UHRF2: variants seen among roughly 807,000 people sequenced by gnomAD.
The protein encoded by UHRF2 is E3 ubiquitin-protein ligase UHRF2.
In UHRF2, 23 loss-of-function variants were observed where a neutral mutation model predicts 96.8. That is an observed-to-expected ratio of 0.24 (90% CI 0.17 to 0.34). UHRF2 has a LOEUF of 0.34. Among genes scored for constraint, UHRF2 ranks in the 10% least tolerant of loss-of-function variants. The pLI is 1.00. For synonymous variants in UHRF2, 385 were observed against 332.6 expected, an observed-to-expected ratio of 1.16 and a Z score of -1.72; for missense variants, 685 against 981.5, an observed-to-expected ratio of 0.70 and a Z score of 4.04.
chr9:6,506,313 C>A lies in UHRF2; in HGVS notation c.*134C>A, dbSNP rs1029244955. Reference sequence around the variant, plus strand: ...GCAGCTAATCCTCTTTCCCACATAGCCATCATCTTGTGTGTGTAGTAAGAG... The same window carrying A: ...GCAGCTAATCCTCTTTCCCACATAGACATCATCTTGTGTGTGTAGTAAGAG... On this transcript the variant is annotated 3_prime_UTR_variant, in exon 16 of 16. Transcript: ENST00000276893. The A allele has an allele frequency of 8.5e-6, 10 of 1,169,934 alleles. No homozygotes were observed. The highest frequency in any genetic ancestry group is 3.1e-5 in the African/African-American group (2 of 64,828). 72.5% of individuals were successfully genotyped at this position (1,169,934 alleles called of 1,614,324 possible). A position where few individuals can be genotyped will look rare whatever the true frequency, so the allele number is the denominator to read the frequency against.
At chr9:6,469,119 C>T (rs74781935) in intron 4 of UHRF2, among the ~76,000 whole-genome samples, 1 of 152,100 alleles carries the variant, frequency 6.6e-6, no homozygotes. Context: ...GATTAATATG[C>T]TGAAAACATG....
At chr9:6,422,445 T>C (rs1819983777) in intron 2 of UHRF2, among the ~76,000 whole-genome samples, 1 of 152,158 alleles carries the variant, frequency 6.6e-6, no homozygotes, top group Admixed American at 6.5e-5. Context: ...CTCTTGGCTT[T>C]TAATATTTGC....
Position 6,460,863 on chromosome 9 carries a change from C to T in UHRF2, c.863+72C>T, listed in dbSNP as rs376185954. 1.2e-4 allele frequency: 141 copies of T among 1,220,946 alleles called. No homozygotes were observed. In the African/African-American group the frequency reaches 1.5e-3, roughly 13 times the overall value. 75.6% of individuals were successfully genotyped at this position (1,220,946 alleles called of 1,614,324 possible). A position where few individuals can be genotyped will look rare whatever the true frequency, so the allele number is the denominator to read the frequency against. ...GGAATGTATTTTTAGGTATTAAGCA[C>T]GTGTACCTTAGTAAAAAAAGATGGA... On this transcript the variant is annotated intron_variant, in intron 4 of 15. Transcript: ENST00000276893.
chr9:6,444,890 C>G lies in UHRF2; in HGVS notation c.644+10717C>G, dbSNP rs553646045. Among the ~76,000 whole-genome samples the G allele has an allele frequency of 1.3e-5, 2 of 152,094 alleles. 1 individual carries two copies. The highest frequency in any genetic ancestry group is 4.1e-4 in the South Asian group (2 of 4,824). Reference sequence around the variant, plus strand: ...GTGCTGGGATTACAGGCATGAGCCACCAAGTCCAGCCTAGGAATCTGCTTT... The same window carrying G: ...GTGCTGGGATTACAGGCATGAGCCAGCAAGTCCAGCCTAGGAATCTGCTTT... On this transcript the variant is annotated intron_variant, in intron 3 of 15. Coordinates refer to ENST00000276893, the MANE Select transcript of UHRF2 (RefSeq NM_152896.3).
At chr9:6,438,207 C>G (rs751571809) in intron 3 of UHRF2, among the ~76,000 whole-genome samples, 10 of 152,146 alleles carry the variant, frequency 6.6e-5, no homozygotes, top group Admixed American at 1.3e-4. Flanking sequence ...ACCTAAACTT[C>G]CTACCAGTCA....
At chr9:6,485,792 C>G (rs1400773017) in intron 8 of UHRF2, among the ~76,000 whole-genome samples, 1 of 126,446 alleles carries the variant, frequency 7.9e-6, no homozygotes, top group African/African-American at 3.1e-5. Flanking sequence ...GGTGAGACCC[C>G]TGTCTCTACC....
chr9:6,505,998 T>G, intron 15 of UHRF2, 35 bp from the exon 16 acceptor site: 1 of 1,612,370 alleles, frequency 6.2e-7, no homozygotes, highest in South Asian at 1.1e-5. Context: ...TGCTTTATGC[T>G]CAGATTAAAT....
intron 3 of UHRF2, among the ~76,000 whole-genome samples, chr9:6,452,828 A>G (rs1381717624): frequency 6.6e-6 from 1 of 151,876 alleles, no homozygotes; most frequent in East Asian, 1.9e-4. Flanking sequence ...AGATGGTTAT[A>G]TGAATCTGAA....
chr9:6,483,272 C>T (rs1824036240), intron 8 of UHRF2, among the ~76,000 whole-genome samples: 1 of 149,134 alleles, frequency 6.7e-6, no homozygotes, highest in Admixed American at 6.7e-5. Context: ...TTGCAGTGAG[C>T]CGAGATTGTG....
chr9:6,488,123 G>A, intron 9 of UHRF2, among the ~76,000 whole-genome samples: 1 of 151,394 alleles, frequency 6.6e-6, no homozygotes, highest in Non-Finnish European at 1.5e-5. Context: ...TGTGCCTGTA[G>A]TCCCGGCTAC....
In UHRF2 at chr9:6,505,425, A is replaced by G. The variant is rs557893264; in HGVS notation, c.2263-608A>G. 1.5e-4 allele frequency among the ~76,000 whole-genome samples: 23 copies of G among 152,218 alleles called. No individual in the cohort carries two copies. The South Asian group carries it at 4.8e-3, about 32-fold the overall frequency. On this transcript the variant is annotated intron_variant, in intron 15 of 15. Coordinates refer to ENST00000276893, the MANE Select transcript of UHRF2 (RefSeq NM_152896.3). Reference sequence around the variant, plus strand: ...AGTCTCCTGTCTCAGCCTGTGGAGTAGCTGGGAGTACAAGCATGCACCACC... The same window carrying G: ...AGTCTCCTGTCTCAGCCTGTGGAGTGGCTGGGAGTACAAGCATGCACCACC...
chr9:6,499,064 G>C (rs915518750), intron 12 of UHRF2: 4 of 152,140 alleles, frequency 2.6e-5, no homozygotes, highest in African/African-American at 9.7e-5. Flanking sequence ...AAATAACTTT[G>C]TCAAATTCAC....
rs1489768944 is a variant in UHRF2 at position 6,506,343 on chromosome 9, A to C, written c.*164A>C. Reference sequence around the variant, plus strand: ...ATCTTGTGTGTGTAGTAAGAGGCCCATTTCTCAACTGTCTTTTAAATATCT... The same window carrying C: ...ATCTTGTGTGTGTAGTAAGAGGCCCCTTTCTCAACTGTCTTTTAAATATCT... On this transcript the variant is annotated 3_prime_UTR_variant, in exon 16 of 16. Transcript: ENST00000276893. 18 of 821,852 alleles carry C rather than the reference A, an allele frequency of 2.2e-5. No homozygotes were observed. The highest frequency in any genetic ancestry group is 3.2e-5 in the Non-Finnish European group (18 of 554,360). The allele number at this position is 821,852 out of a possible 1,614,324, so 50.9% of individuals were successfully genotyped here. A position where few individuals can be genotyped will look rare whatever the true frequency, so the allele number is the denominator to read the frequency against.
intron 3 of UHRF2, among the ~76,000 whole-genome samples, chr9:6,450,710 G>C (rs978499097): frequency 6.6e-6 from 1 of 152,112 alleles, no homozygotes; most frequent in African/African-American, 2.4e-5. Flanking sequence ...ACCTATCCCA[G>C]TTGTTACTTT....
In UHRF2 at chr9:6,434,135, T is replaced by G; in HGVS notation, c.606T>G (p.Ala202=). 6.2e-7 allele frequency: 1 copy of G among 1,614,104 alleles called. No individual in the cohort carries two copies. Among genetic ancestry groups the G allele is most frequent in the Non-Finnish European group, 8.5e-7 (1 of 1,180,008 alleles). The change falls in exon 3 of 16, where the codon GCT becomes GCG. Residue 202 remains alanine (A), a synonymous_variant. Coordinates refer to ENST00000276893, the MANE Select transcript of UHRF2 (RefSeq NM_152896.3). ...VPSTSNSDCV[A]ADEDVIYHIQ... Reference sequence around the variant, plus strand: ...CTACGTCTAATTCAGACTGTGTTGCTGCTGATGAAGACGTTATTTACCATA... The same window carrying G: ...CTACGTCTAATTCAGACTGTGTTGCGGCTGATGAAGACGTTATTTACCATA...
At chr9:6,420,594 A>C (rs1288168582) in intron 1 of UHRF2, among the ~76,000 whole-genome samples, 1 of 151,646 alleles carries the variant, frequency 6.6e-6, no homozygotes, top group Non-Finnish European at 1.5e-5. Flanking sequence ...AGTCCCAGCT[A>C]CTTCAGGGAG....
chr9:6,423,626 C>T (rs1587765551), intron 2 of UHRF2, among the ~76,000 whole-genome samples: 1 of 146,350 alleles, frequency 6.8e-6, no homozygotes, highest in East Asian at 2.0e-4. Flanking sequence ...AAATTTGAGT[C>T]ATTAGTGATT....
At chr9:6,453,820 G>A (rs542207942) in intron 3 of UHRF2, among the ~76,000 whole-genome samples, 4 of 152,182 alleles carry the variant, frequency 2.6e-5, no homozygotes, top group East Asian at 1.9e-4. Context: ...CAGGAGAATC[G>A]CTTGGACCCA....
At chr9:6,436,320 G>C (rs1563754168) in intron 3 of UHRF2, among the ~76,000 whole-genome samples, 1 of 152,078 alleles carries the variant, frequency 6.6e-6, no homozygotes, top group South Asian at 2.1e-4. Context: ...CATGATAGAT[G>C]GTAATAGTAC....
Sources: allele counts gnomAD v4.1 joint callset (sites outside exome capture counted in the v4.1 genomes callset), GRCh38; gene constraint gnomAD v4.1.1; transcripts MANE v1.5; gene names NCBI Gene and HGNC (gene_info 2026-07-23, HGNC 2026-07-21).